TTN: variants seen among roughly 807,000 people sequenced by gnomAD.
TTN encodes the protein titin.
In TTN, 1,525 loss-of-function variants were observed where a neutral mutation model predicts 3,223.0. The ratio of observed to expected loss-of-function variants is 0.47; its 90% CI spans 0.45 to 0.49. The LOEUF is 0.49. Ranked by LOEUF, TTN falls within the 20% of genes least tolerant of loss-of-function variation. TTN has a pLI of 0.00. For synonymous variants in TTN, 14,094 were observed against 15,161.0 expected (o/e 0.93, Z 5.17); for missense variants, 40,786 against 43,424.0 (o/e 0.94, Z 5.40).
At chr2:178,685,678 G>T in intron 127 of TTN, 80 bp from the exon 128 acceptor site, 1 of 1,406,948 alleles carries the variant, frequency 7.1e-7, no homozygotes, top group Non-Finnish European at 9.8e-7. Context: ...TCACTTCAAA[G>T]AGTAATCAAA....
intron 38 of TTN, among the ~76,000 whole-genome samples, chr2:178,768,416 T>C (rs2090908459): frequency 6.6e-6 from 1 of 152,222 alleles, no homozygotes; most frequent in Non-Finnish European, 1.5e-5. Flanking sequence ...TATAGATTTG[T>C]GTATCTTGGA....
At chr2:178,544,826 T>C (rs1696278676) in intron 344 of TTN, among the ~76,000 whole-genome samples, 1 of 152,212 alleles carries the variant, frequency 6.6e-6, no homozygotes, top group South Asian at 2.1e-4. Flanking sequence ...CTTTAGTTGC[T>C]TATCTTTCAC....
intron 103 of TTN, 56 bp downstream of exon 103, chr2:178,705,118 G>C: frequency 1.3e-6 from 2 of 1,595,390 alleles, no homozygotes; most frequent in Non-Finnish European, 1.7e-6. Flanking sequence ...AAGGGAATAT[G>C]TGAGATGTTT....
Position 178,804,531 on chromosome 2 carries a change from AGT to A in TTN, c.91+19_91+20del. 3 of 1,612,676 alleles carry A rather than the reference AGT, an allele frequency of 1.9e-6. No homozygotes were observed. Among genetic ancestry groups the A allele is most frequent in the Non-Finnish European group, 2.5e-6 (3 of 1,179,186 alleles). ...AGGAGGCAAAGGAAAAAAAAACAAA[AGT>A]GTGAATGTGTGAGCTTACCACTAAT... On this transcript the variant is annotated intron_variant, in intron 2 of 362. Coordinates refer to ENST00000589042, the MANE Select transcript of TTN (RefSeq NM_001267550.2).
At chr2:178,750,364 A>T in intron 47 of TTN, 1 of 1,613,140 alleles carries the variant, frequency 6.2e-7, no homozygotes, top group Non-Finnish European at 8.5e-7. Context: ...AAGTAATAGA[A>T]CCTTCATTCT....
chr2:178,732,193 C>A lies in TTN; in HGVS notation c.16776G>T (p.Met5592Ile), dbSNP rs879188937. The change falls in exon 57 of 363, where the codon ATG (methionine) becomes ATT (isoleucine). Residue 5592 changes from methionine to isoleucine, a missense_variant. By Grantham distance (10) the Met-to-Ile change is conservative. Transcript: ENST00000589042. ...REIKESSKHR[M>I]SFVESTAVLR... ...GAACTGCAGTAGACTCCACAAAAGA[C>A]ATTCTGTGTTTGCTGCTCTCCTTAA... The A allele has an allele frequency of 8.1e-6, 13 of 1,613,860 alleles. No individual in the cohort carries two copies. Among genetic ancestry groups the A allele is most frequent in the Non-Finnish European group, 1.1e-5 (13 of 1,179,794 alleles).
chr2:178,549,439 G>T lies in TTN; in HGVS notation c.92187C>A (p.Ser30729Arg), dbSNP rs778827102. 2 of 1,610,314 alleles carry T rather than the reference G, an allele frequency of 1.2e-6. No individual in the cohort carries two copies. The highest frequency in any genetic ancestry group is 1.3e-5 in the African/African-American group (1 of 74,856). Residue 30729 changes from serine to arginine, a missense_variant, in exon 339 of 363, where the codon AGC becomes AGA. Ser to Arg is a moderately radical substitution (Grantham distance 110). Coordinates refer to ENST00000589042, the MANE Select transcript of TTN (RefSeq NM_001267550.2). ...GGGTAATGCTGTTGCCTGTTATGTT[G>T]CTAGGTTCTGGAATGCCAGGGGCAT... ...VPDAPGIPEP[S>R]NITGNSITLT...
rs1480393355 is a variant in TTN, at chr2:178,566,633, G to C, written c.79499C>G (p.Thr26500Ser). Reference sequence around the variant, plus strand: ...CCAGGCAAGTGTGATTGAATTTTTAGTGGTGTCTACAATGTGTGCATTGGT... The same window carrying C: ...CCAGGCAAGTGTGATTGAATTTTTACTGGTGTCTACAATGTGTGCATTGGT... Reference protein sequence around the residue: ...PPTNAHIVDTTKNSITLAWGK... With the variant: ...PPTNAHIVDTSKNSITLAWGK... The change falls in exon 326 of 363, where the codon ACT becomes AGT. Residue 26500 changes from threonine (T) to serine (S), a missense_variant. Transcript: ENST00000589042. 2 of 1,612,656 alleles carry C rather than the reference G, an allele frequency of 1.2e-6. No homozygotes were observed. The highest frequency in any genetic ancestry group is 1.7e-5 in the Admixed American group (1 of 59,982).
chr2:178,599,134 T>C lies in TTN; in HGVS notation c.56647+12A>G. ...AAAATGGCTTTGTATGTGAAAATGT[T>C]CTCCTACTTACAGAAGAGGTTTCTT... On this transcript the variant is annotated intron_variant, in intron 290 of 362. Coordinates refer to ENST00000589042, the MANE Select transcript of TTN (RefSeq NM_001267550.2). The C allele has an allele frequency of 2.0e-6, 3 of 1,510,110 alleles. No homozygotes were observed. The East Asian group carries it at 6.9e-5, about 35-fold the overall frequency. The allele number at this position is 1,510,110 out of a possible 1,614,324, so 93.5% of individuals were successfully genotyped here.
chr2:178,730,824 A>G, intron 60 of TTN, 32 bp from the exon 61 acceptor site: 2 of 1,543,458 alleles, frequency 1.3e-6, no homozygotes, highest in Non-Finnish European at 1.7e-6. Flanking sequence ...AACAACAAAA[A>G]AAGGTCAATC....
rs1379744895 is a variant in TTN, at chr2:178,771,364, C to A, written c.7963G>T (p.Asp2655Tyr). The change falls in exon 34 of 363, where the codon GAT becomes TAT. Residue 2655 changes from aspartate (D) to tyrosine (Y), a missense_variant. Coordinates refer to ENST00000589042, the MANE Select transcript of TTN (RefSeq NM_001267550.2). ...TTAGTCAGTGGTAGGTGTTTGCCAT[C>A]CCTCAACCATTCGCCTTTGGAATCT... ...NPDSKGEWLRDGKHLPLTNNI... is the reference protein window; with the variant it reads ...NPDSKGEWLRYGKHLPLTNNI... 6.2e-7 allele frequency: 1 copy of A among 1,614,012 alleles called. No homozygotes were observed. The highest frequency in any genetic ancestry group is 1.7e-5 in the Admixed American group (1 of 60,000).
In TTN at chr2:178,611,438, C is replaced by T; in HGVS notation, c.50791G>A (p.Val16931Ile). 1 of 1,612,908 alleles carries T rather than the reference C, an allele frequency of 6.2e-7. No individual in the cohort carries two copies. Among genetic ancestry groups the T allele is most frequent in the Non-Finnish European group, 8.5e-7 (1 of 1,179,306 alleles). The change falls in exon 269 of 363, where the codon GTC becomes ATC. Residue 16931 changes from valine to isoleucine, a missense_variant. Val to Ile is a conservative substitution (Grantham distance 29). Coordinates refer to ENST00000589042, the MANE Select transcript of TTN (RefSeq NM_001267550.2). The stretch of plus-strand genomic sequence containing the variant: ...GGCTCGCTGACACCAATAGCATTGA[C>T]TGCTCTCACTCTCAGGACATATTCT... ...DKEYVLRVRA[V>I]NAIGVSEPSE...
chr2:178,576,881 TA>T lies in TTN; in HGVS notation c.69412+41del. 6.2e-7 allele frequency: 1 copy of T among 1,605,928 alleles called. No individual in the cohort carries two copies. The highest frequency in any genetic ancestry group is 8.5e-7 in the Non-Finnish European group (1 of 1,177,430). ...AAATCCATGATTTCCTAAACTCTGC[TA>T]TAAATGTTTCCATGTCAATTCCCTC... On this transcript the variant is annotated intron_variant, in intron 324 of 362. Transcript: ENST00000589042. This position sits in a 1 kb window ranked among gnomAD's most constrained non-coding sequence, Gnocchi z 4.3.
chr2:178,594,238 G>T lies in TTN; in HGVS notation c.58155C>A (p.Pro19385=), dbSNP rs373587801. The T allele has an allele frequency of 8.7e-5, 140 of 1,605,956 alleles. No homozygotes were observed. In the African/African-American group the frequency reaches 1.7e-3, roughly 19 times the overall value. ...CTCTGAAGTCGAGGTGAAGCGTTGG[G>T]GGTGCTAAAATTTGTAATTATAAAG... The part of the protein sequence containing the change: ...KPITCKDELA[P]PTLHLDFRDK... The change falls in exon 297 of 363, where the codon CCC becomes CCA. Residue 19385 remains proline, a synonymous_variant. Coordinates refer to ENST00000589042, the MANE Select transcript of TTN (RefSeq NM_001267550.2).
intron 20 of TTN, among the ~76,000 whole-genome samples, chr2:178,781,873 T>C (rs1051705267): frequency 2.0e-5 from 3 of 151,730 alleles, no homozygotes; most frequent in Non-Finnish European, 2.9e-5. Context: ...ATTACATGTT[T>C]TTATTGAAAA....
At chr2:178,644,406 A>G in intron 218 of TTN, 142 bp downstream of exon 218, 1 of 608,734 alleles carries the variant, frequency 1.6e-6, no homozygotes. Flanking sequence ...AGGACCATAA[A>G]AGCCACAGAA....
At chr2:178,635,781 G>C in intron 226 of TTN, 66 bp from the exon 227 acceptor site, 1 of 1,529,662 alleles carries the variant, frequency 6.5e-7, no homozygotes, top group Non-Finnish European at 8.8e-7. Flanking sequence ...AGCTTCCTTA[G>C]TAAATTTCAG....
At chr2:178,785,094 G>A (rs1227186061) in intron 15 of TTN, among the ~76,000 whole-genome samples, 1 of 152,066 alleles carries the variant, frequency 6.6e-6, no homozygotes, top group Non-Finnish European at 1.5e-5. Flanking sequence ...AGATTATAAG[G>A]GAGAAGATAG....
Position 178,548,835 on chromosome 2 carries a change from A to G in TTN, c.92791T>C (p.Phe30931Leu), listed in dbSNP as rs1259787095. 6.2e-7 allele frequency: 1 copy of G among 1,613,140 alleles called. No individual in the cohort carries two copies. The change falls in exon 339 of 363, where the codon TTC becomes CTC. Residue 30931 changes from phenylalanine (F) to leucine (L), a missense_variant. By Grantham distance (22) the Phe-to-Leu change is conservative. Coordinates refer to ENST00000589042, the MANE Select transcript of TTN (RefSeq NM_001267550.2). The surrounding 1 kb of genome is among the most constrained non-coding windows in gnomAD (Gnocchi z 4.3). ...TAPELDIDAN[F>L]KQTHVVRAGA... Reference sequence around the variant, plus strand: ...GCTCTAACAACATGAGTCTGTTTGAAGTTTGCATCTATGTCTAACTCAGGA... The same window carrying G: ...GCTCTAACAACATGAGTCTGTTTGAGGTTTGCATCTATGTCTAACTCAGGA...
Sources: gnomAD v4.1 joint callset for allele counts (sites outside exome capture counted in the v4.1 genomes callset) on GRCh38, gnomAD v4.1.1 for gene constraint, Gnocchi (gnomAD v3.1) non-coding constraint, MANE v1.5 for transcripts, NCBI Gene and HGNC (gene_info 2026-07-23, HGNC 2026-07-21) for gene names.